BCAS4: variants seen among roughly 807,000 people sequenced by gnomAD.
The protein encoded by BCAS4 is breast carcinoma amplified sequence 4.
A neutral mutation model predicts 15.7 loss-of-function variants in BCAS4; 9 were observed. That is an observed-to-expected ratio of 0.57 (90% CI 0.34 to 1.00). The LOEUF (loss-of-function observed/expected upper bound fraction) is 1.00, where lower values mean the gene tolerates loss of function less well. BCAS4 is among the 50% of genes least tolerant of loss of function. The probability of loss-of-function intolerance (pLI) is 0.02; values close to 1 mark genes in which losing one functional copy is unlikely to be tolerated. For synonymous variants in BCAS4, 101 were observed against 99.5 expected (o/e 1.02, Z -0.09); for missense variants, 225 against 239.1 (o/e 0.94, Z 0.39).
chr20:50,795,598 T>A (rs1482370084), intron 1 of BCAS4, among the ~76,000 whole-genome samples: 3 of 152,222 alleles, frequency 2.0e-5, no homozygotes, highest in Admixed American at 6.5e-5. Flanking sequence ...ACCACGCCTC[T>A]GTCTGCGCTT....
intron 4 of BCAS4, among the ~76,000 whole-genome samples, chr20:50,874,336 G>C (rs531005484): frequency 3.3e-5 from 5 of 152,242 alleles, no homozygotes; most frequent in African/African-American, 1.2e-4. Context: ...CCGGCCCTTG[G>C]TACCTCTATA....
intron 4 of BCAS4, among the ~76,000 whole-genome samples, chr20:50,863,695 C>T (rs192574091): frequency 1.6e-4 from 24 of 152,220 alleles, no homozygotes; most frequent in Admixed American, 7.9e-4. Flanking sequence ...AGTTGGTGGC[C>T]GGACTGTAGC....
At chr20:50,838,949 C>T (rs1428592329) in intron 3 of BCAS4, among the ~76,000 whole-genome samples, 1 of 152,044 alleles carries the variant, frequency 6.6e-6, no homozygotes, top group African/African-American at 2.4e-5. Flanking sequence ...GGTGCAGAGG[C>T]CCTGTGGGGT....
chr20:50,860,461 T>C (rs954171915), intron 4 of BCAS4, among the ~76,000 whole-genome samples: 1 of 152,188 alleles, frequency 6.6e-6, no homozygotes, highest in Non-Finnish European at 1.5e-5. Flanking sequence ...CTGCCCTCCA[T>C]TTTTAAGATT....
intron 4 of BCAS4, among the ~76,000 whole-genome samples, chr20:50,843,107 G>A (rs941677950): frequency 2.0e-5 from 3 of 152,002 alleles, no homozygotes; most frequent in South Asian, 2.1e-4. Flanking sequence ...CTGCAGGCAC[G>A]CACCATCACA....
At chr20:50,849,703 G>T (rs1239762552) in intron 4 of BCAS4, among the ~76,000 whole-genome samples, 3 of 152,228 alleles carry the variant, frequency 2.0e-5, no homozygotes, top group Admixed American at 1.3e-4. Flanking sequence ...GCGGCCAGTG[G>T]TCACCAGGTT....
intron 4 of BCAS4, 95 bp downstream of exon 4, chr20:50,841,995 G>T: frequency 7.1e-7 from 1 of 1,406,652 alleles, no homozygotes; most frequent in African/African-American, 1.5e-5. Context: ...GCAGAGTTCA[G>T]GGGGGCACAT....
chr20:50,827,285 TG>T (rs771447629), intron 2 of BCAS4, among the ~76,000 whole-genome samples: 2 of 152,232 alleles, frequency 1.3e-5, no homozygotes, highest in Non-Finnish European at 2.9e-5. Context: ...ATTTTTGTGA[TG>T]TTTTTCATGT....
chr20:50,860,884 TAAAAG>T (rs770724598), intron 4 of BCAS4, among the ~76,000 whole-genome samples: 3 of 146,618 alleles, frequency 2.0e-5, no homozygotes, highest in East Asian at 2.0e-4. Context: ...AAAAAATAAA[TAAAAG>T]AAAAAGACAA....
At chr20:50,818,036 C>T (rs1004861996) in intron 1 of BCAS4, among the ~76,000 whole-genome samples, 175 bp from the exon 2 acceptor site, 6 of 151,536 alleles carry the variant, frequency 4.0e-5, no homozygotes, top group Non-Finnish European at 8.8e-5. Flanking sequence ...CCGTGATGGG[C>T]GCCAGGACTG....
chr20:50,828,575 T>C (rs1373186451), intron 2 of BCAS4, among the ~76,000 whole-genome samples: 2 of 151,462 alleles, frequency 1.3e-5, no homozygotes, highest in Non-Finnish European at 2.9e-5. Context: ...AGGTCAGGAG[T>C]TCAAGACCAA....
intron 4 of BCAS4, among the ~76,000 whole-genome samples, chr20:50,859,628 G>C (rs1021928776): frequency 6.6e-6 from 1 of 151,882 alleles, no homozygotes; most frequent in African/African-American, 2.4e-5. Flanking sequence ...TGTTTTACTG[G>C]GACCGCTCTG....
intron 4 of BCAS4, among the ~76,000 whole-genome samples, chr20:50,871,287 G>A (rs1979630318): frequency 6.6e-6 from 1 of 152,212 alleles, no homozygotes; most frequent in East Asian, 1.9e-4. Flanking sequence ...AGGCTGCCAT[G>A]ATAGTCCAAG....
At chr20:50,803,421 C>G (rs2087952512) in intron 1 of BCAS4, among the ~76,000 whole-genome samples, 1 of 152,060 alleles carries the variant, frequency 6.6e-6, no homozygotes, top group Admixed American at 6.6e-5. Context: ...TTTCATGCAT[C>G]TATAAACAGG....
At chr20:50,861,494 G>A (rs1358951668) in intron 4 of BCAS4, among the ~76,000 whole-genome samples, 8 of 152,226 alleles carry the variant, frequency 5.3e-5, no homozygotes, top group Admixed American at 2.0e-4. Flanking sequence ...GATGGCCTCC[G>A]TCCAGCACGG....
rs1206173600 is a variant in BCAS4, at chr20:50,819,085, A to AG, written c.162+805dup. Among the ~76,000 whole-genome samples the AG allele has an allele frequency of 2.0e-5, 3 of 152,224 alleles. No homozygotes were observed. The East Asian group carries it at 5.8e-4, about 29-fold the overall frequency. On this transcript the variant is annotated intron_variant, in intron 2 of 4. Coordinates refer to ENST00000371608, the MANE Select transcript of BCAS4 (RefSeq NM_198799.4). The stretch of plus-strand genomic sequence containing the variant: ...GTAATCTTAGCTACTCAGGAGGCTG[A>AG]GGCAGGAGAATTGCTTGAACCCGGA...
intron 4 of BCAS4, among the ~76,000 whole-genome samples, chr20:50,863,427 T>C (rs1027702892): frequency 1.3e-5 from 2 of 151,664 alleles, no homozygotes; most frequent in Non-Finnish European, 2.9e-5. Flanking sequence ...CTGGCTATTT[T>C]TTGTATTTTT....
At chr20:50,830,488 G>T (rs1254737373) in intron 3 of BCAS4, 108 bp downstream of exon 3, 4 of 827,566 alleles carry the variant, frequency 4.8e-6, no homozygotes, top group Non-Finnish European at 7.6e-6. Flanking sequence ...TATGCCCAAT[G>T]CAGGGGGTTG....
At chr20:50,797,627 T>G (rs751227667) in intron 1 of BCAS4, among the ~76,000 whole-genome samples, 1 of 152,144 alleles carries the variant, frequency 6.6e-6, no homozygotes, top group Non-Finnish European at 1.5e-5. Context: ...CACTGTCCAA[T>G]AGAAATATAA....
Sources: gnomAD v4.1 joint callset for allele counts (sites outside exome capture counted in the v4.1 genomes callset) on GRCh38, gnomAD v4.1.1 for gene constraint, MANE v1.5 for transcripts, NCBI Gene and HGNC (gene_info 2026-07-23, HGNC 2026-07-21) for gene names.